Variants in MRTFB observed in about 807,000 individuals in gnomAD.
The protein encoded by MRTFB is myocardin-related transcription factor B.
MRTFB carries 29 observed loss-of-function variants against 104.2 expected under a neutral mutation model. The ratio of observed to expected loss-of-function variants is 0.28; its 90% CI spans 0.21 to 0.38. MRTFB has a LOEUF of 0.38. Among genes scored for constraint, MRTFB ranks in the 10% least tolerant of loss-of-function variants. The pLI is 1.00. For synonymous variants in MRTFB, 535 were observed against 519.5 expected, an observed-to-expected ratio of 1.03 and a Z score of -0.41; for missense variants, 1,270 against 1,341.6, an observed-to-expected ratio of 0.95 and a Z score of 0.83.
At chr16:14,041,201 C>T in the MRTFB span, among the ~76,000 whole-genome samples, 1 of 152,104 alleles carries the variant, frequency 6.6e-6, no homozygotes, top group African/African-American at 2.4e-5. Flanking sequence ...GGTAAAAACA[C>T]ATAATATAAA....
In MRTFB at chr16:14,107,221, G is replaced by A. The variant is rs569628680; in HGVS notation, c.-64+27867G>A. Reference sequence around the variant, plus strand: ...ACTGCACTCCATCCTGGGTGACAGAGCAAGACTCTGTCTCAAACAAAAAAA... The same window carrying A: ...ACTGCACTCCATCCTGGGTGACAGAACAAGACTCTGTCTCAAACAAAAAAA... On this transcript the variant is annotated intron_variant, in intron 2 of 16. Transcript: ENST00000571589. Among the ~76,000 whole-genome samples the A allele has an allele frequency of 2.0e-4, 30 of 152,332 alleles. No homozygotes were observed. In the East Asian group the frequency reaches 5.8e-3, roughly 29 times the overall value.
At chr16:14,116,188 T>C (rs551689289) in intron 2 of MRTFB, among the ~76,000 whole-genome samples, 1 of 152,204 alleles carries the variant, frequency 6.6e-6, no homozygotes, top group South Asian at 2.1e-4. Context: ...TGCAAACATA[T>C]TTCTTCTGTT....
chr16:14,131,011 C>G (rs2037413057), intron 2 of MRTFB, among the ~76,000 whole-genome samples: 1 of 152,130 alleles, frequency 6.6e-6, no homozygotes, highest in South Asian at 2.1e-4. Context: ...AACTACAATT[C>G]AAGGTGAGAT....
chr16:14,030,543 C>G, the MRTFB span, among the ~76,000 whole-genome samples: 2 of 152,136 alleles, frequency 1.3e-5, no homozygotes, highest in Non-Finnish European at 2.9e-5. Flanking sequence ...GTAGACAATG[C>G]AAGTGTGCAG....
intron 8 of MRTFB, among the ~76,000 whole-genome samples, chr16:14,230,634 C>A (rs902570226): frequency 6.6e-6 from 1 of 152,164 alleles, no homozygotes; most frequent in African/African-American, 2.4e-5. Context: ...CAGGAAACAA[C>A]AGGTACTGGA....
Position 14,079,285 on chromosome 16 carries a change from TC to T in MRTFB, c.-128-3del. 1 of 353,722 alleles carries T rather than the reference TC, an allele frequency of 2.8e-6. No individual in the cohort carries two copies. Among genetic ancestry groups the T allele is most frequent in the East Asian group, 3.8e-5 (1 of 26,406 alleles). The allele number at this position is 353,722 out of a possible 1,614,324, so 21.9% of individuals were successfully genotyped here. A position where few individuals can be genotyped will look rare whatever the true frequency, so the allele number is the denominator to read the frequency against. On this transcript the variant is annotated splice_region_variant and splice_polypyrimidine_tract_variant and intron_variant, in intron 1 of 16. Coordinates refer to ENST00000571589, the MANE Select transcript of MRTFB (RefSeq NM_001308142.2). ...AAAAAGTAATTTCTGCCTTTTTTTT[TC>T]CAGGTTCACAATAAAGGTGCTAAGA...
At chr16:14,143,123 A>T (rs1380903651) in intron 3 of MRTFB, 1 of 148,838 alleles carries the variant, frequency 6.7e-6, no homozygotes, top group African/African-American at 2.5e-5. Flanking sequence ...GAGTTACAGC[A>T]GCTTTGTAAC....
At chr16:14,159,330 G>C (rs200911056) in intron 3 of MRTFB, among the ~76,000 whole-genome samples, 2 of 152,130 alleles carry the variant, frequency 1.3e-5, no homozygotes, top group Non-Finnish European at 2.9e-5. Flanking sequence ...ACTTTTGAAG[G>C]TACTCAGCTA....
rs1428791269 is a variant in MRTFB at position 14,240,682 on chromosome 16, T to G, written c.1079+198T>G. 7.6e-6 allele frequency: 7 copies of G among 924,170 alleles called. No homozygotes were observed. The East Asian group carries it at 1.4e-4, about 19-fold the overall frequency. 57.2% of individuals were successfully genotyped at this position (924,170 alleles called of 1,614,324 possible). On this transcript the variant is annotated intron_variant, in intron 10 of 16. Transcript: ENST00000571589. ...CTGCATTCCATTCCAGTTTCTGTCC[T>G]CCAAAATAGGTTCTGAATTTTTACA...
chr16:14,254,222 A>G (rs246169), intron 15 of MRTFB, among the ~76,000 whole-genome samples: 16,996 of 152,286 alleles, frequency 0.11, 1,137 homozygotes, highest in East Asian at 0.3. Context: ...ACATTTACTC[A>G]GACTTGCAAT....
chr16:14,021,571 C>T, the MRTFB span, among the ~76,000 whole-genome samples: 2 of 152,242 alleles, frequency 1.3e-5, no homozygotes, highest in South Asian at 4.2e-4. Context: ...ATCCCTCATC[C>T]CCTTCCCACC....
chr16:14,244,984 T>C (rs898007406), intron 10 of MRTFB, among the ~76,000 whole-genome samples: 2 of 152,214 alleles, frequency 1.3e-5, no homozygotes, highest in Non-Finnish European at 2.9e-5. Context: ...ATAATTCACA[T>C]GTAGATTTTG....
intron 2 of MRTFB, among the ~76,000 whole-genome samples, chr16:14,111,799 C>G (rs971340928): frequency 1.3e-5 from 2 of 152,186 alleles, no homozygotes; most frequent in African/African-American, 4.8e-5. Flanking sequence ...GCGCCTCTTT[C>G]TACCTTTCAC....
chr16:14,055,356 G>C, the MRTFB span, among the ~76,000 whole-genome samples: 6 of 151,658 alleles, frequency 4.0e-5, no homozygotes, highest in African/African-American at 1.5e-4. Flanking sequence ...CGTCTCAAAA[G>C]AAGAAGAAGA....
intron 3 of MRTFB, among the ~76,000 whole-genome samples, chr16:14,167,416 G>A (rs2039281609): frequency 6.6e-6 from 1 of 151,902 alleles, no homozygotes; most frequent in Non-Finnish European, 1.5e-5. Context: ...ACCTTTTCCA[G>A]ATGGATAAAT....
At chr16:14,123,949 AGTG>A (rs2036978435) in intron 2 of MRTFB, among the ~76,000 whole-genome samples, 1 of 152,178 alleles carries the variant, frequency 6.6e-6, no homozygotes, top group African/African-American at 2.4e-5. Context: ...TTCCTTGAGC[AGTG>A]GTTTCTAGTT....
At chr16:14,231,177 A>G (rs1351778125) in intron 8 of MRTFB, among the ~76,000 whole-genome samples, 1 of 151,834 alleles carries the variant, frequency 6.6e-6, no homozygotes, top group Admixed American at 6.6e-5. Context: ...AGATACACCT[A>G]ATGCTAAATG....
chr16:14,055,804 T>C, the MRTFB span, among the ~76,000 whole-genome samples: 1 of 152,200 alleles, frequency 6.6e-6, no homozygotes. Flanking sequence ...TTTTTCTTTT[T>C]GTCATTAATT....
At chr16:14,019,610 C>G in the MRTFB span, 2 of 152,178 alleles carry the variant, frequency 1.3e-5, no homozygotes, top group Non-Finnish European at 2.9e-5. Flanking sequence ...CTCCATGACC[C>G]ACATACTTGG....
Sources: allele counts gnomAD v4.1 joint callset (sites outside exome capture counted in the v4.1 genomes callset), GRCh38; gene constraint gnomAD v4.1.1; transcripts MANE v1.5; gene names NCBI Gene and HGNC (gene_info 2026-07-23, HGNC 2026-07-21).